VGLL4: variants seen among roughly 807,000 people sequenced by gnomAD.
The protein encoded by VGLL4 is transcription cofactor vestigial-like protein 4.
Under a neutral mutation model 21.0 loss-of-function variants are expected in VGLL4, and 7 were observed. The observed-to-expected ratio is 0.33, with a 90% confidence interval of 0.19 to 0.63. The LOEUF (loss-of-function observed/expected upper bound fraction) is 0.63. Ranked by LOEUF, VGLL4 falls within the 20% of genes least tolerant of loss-of-function variation. The pLI is 0.78. For missense variants in VGLL4, 394 were observed against 425.7 expected, an observed-to-expected ratio of 0.93 and a Z score of 0.66; for synonymous variants, 222 against 173.2, an observed-to-expected ratio of 1.28 and a Z score of -2.21.
At chr3:11,582,161 A>C in intron 2 of VGLL4, 1 of 1,148,882 alleles carries the variant, frequency 8.7e-7, no homozygotes, top group Non-Finnish European at 1.3e-6. Flanking sequence ...AGCAAAGACT[A>C]CTCTACCTCT....
rs2072394852 is a variant in VGLL4, at chr3:11,556,246, A to AGAACTTCAC, written c.*2301_*2309dup. 6.6e-6 allele frequency: 1 copy of AGAACTTCAC among 152,658 alleles called. No homozygotes were observed. The highest frequency in any genetic ancestry group is 2.1e-4 in the South Asian group (1 of 4,826). The allele number at this position is 152,658 out of a possible 1,614,324, so 9.5% of individuals were successfully genotyped here. On this transcript the variant is annotated 3_prime_UTR_variant, in exon 5 of 5. Transcript: ENST00000430365. ...CACTGCAGGCAGCGCGGCTCTGGGA[A>AGAACTTCAC]GAACTTCACGGAGCCCCTTCTTAGA...
At chr3:11,679,105 T>G (rs2076335864) in intron 2 of VGLL4, among the ~76,000 whole-genome samples, 2 of 152,208 alleles carry the variant, frequency 1.3e-5, no homozygotes, top group African/African-American at 2.4e-5. Context: ...TTATCACTCC[T>G]TTAGGGTACA....
At chr3:11,574,254 C>T (rs1480693591) in intron 2 of VGLL4, among the ~76,000 whole-genome samples, 2 of 152,198 alleles carry the variant, frequency 1.3e-5, no homozygotes, top group Admixed American at 6.5e-5. Context: ...ATATTTGCCA[C>T]ACCCATGTTT....
intron 1 of VGLL4, among the ~76,000 whole-genome samples, chr3:11,620,013 T>C (rs1440443795): frequency 2.0e-5 from 3 of 151,042 alleles, no homozygotes; most frequent in Admixed American, 1.3e-4. Context: ...TGGCAGCACC[T>C]GCAAAGAGCA....
At chr3:11,676,403 A>T (rs550678768) in intron 2 of VGLL4, among the ~76,000 whole-genome samples, 34 of 33,124 alleles carry the variant, frequency 1.0e-3, no homozygotes, top group Middle Eastern at 0.019. Flanking sequence ...TCAAAAAAAA[A>T]AAAAAAATAA....
chr3:11,574,785 ATGTGTGTGTGTGTGTG>A (rs375691226), intron 2 of VGLL4, among the ~76,000 whole-genome samples: 4,767 of 121,778 alleles, frequency 0.039, 249 homozygotes, highest in African/African-American at 0.13. Context: ...TCAACTATAT[ATGTGTGTGTGTGTGTG>A]TGTGTGTGTG....
chr3:11,562,362 T>C (rs759734417), intron 3 of VGLL4, among the ~76,000 whole-genome samples: 4 of 152,116 alleles, frequency 2.6e-5, no homozygotes, highest in Non-Finnish European at 5.9e-5. Flanking sequence ...CCTGTCCCAG[T>C]TCCCAGAGAT....
intron 1 of VGLL4, among the ~76,000 whole-genome samples, chr3:11,623,563 GTT>G (rs141983778): frequency 0.012 from 1,799 of 152,268 alleles, 35 homozygotes; most frequent in African/African-American, 0.041. Context: ...TTCTGTCAGG[GTT>G]TTCTGTAAGT....
intron 1 of VGLL4, among the ~76,000 whole-genome samples, chr3:11,626,113 G>A (rs1017259457): frequency 6.6e-5 from 10 of 152,216 alleles, no homozygotes; most frequent in Non-Finnish European, 1.5e-4. Context: ...AAAAGCTATA[G>A]CAGAAAGAGA....
At chr3:11,664,181 T>C (rs1195408488) in intron 2 of VGLL4, among the ~76,000 whole-genome samples, 7 of 152,136 alleles carry the variant, frequency 4.6e-5, no homozygotes, top group African/African-American at 1.7e-4. Context: ...GAGGTTGCAG[T>C]GAGCCCAGAT....
chr3:11,585,018 C>T (rs183459122), intron 2 of VGLL4, among the ~76,000 whole-genome samples: 2 of 152,260 alleles, frequency 1.3e-5, no homozygotes, highest in Non-Finnish European at 2.9e-5. Flanking sequence ...ATCACTGCTC[C>T]ATTAAGGAGT....
At chr3:11,680,100 A>G (rs548133362) in intron 2 of VGLL4, among the ~76,000 whole-genome samples, 1 of 152,304 alleles carries the variant, frequency 6.6e-6, no homozygotes, top group East Asian at 1.9e-4. Flanking sequence ...CAAACTGCCC[A>G]CAGTATCCTG....
At chr3:11,713,968 G>A (rs563494460) in intron 1 of VGLL4, among the ~76,000 whole-genome samples, 1 of 152,220 alleles carries the variant, frequency 6.6e-6, no homozygotes, top group South Asian at 2.1e-4. Context: ...CTGCAGGAGG[G>A]CAGGGGTACG....
intron 1 of VGLL4, chr3:11,611,935 T>C (rs2075071042): frequency 6.6e-6 from 1 of 151,618 alleles, no homozygotes; most frequent in African/African-American, 2.4e-5. Flanking sequence ...GGGTCTGAGG[T>C]GGGACCTGCT....
chr3:11,618,604 G>T (rs145819012), intron 1 of VGLL4, among the ~76,000 whole-genome samples: 1 of 152,162 alleles, frequency 6.6e-6, no homozygotes, highest in Non-Finnish European at 1.5e-5. Context: ...ATGGGAAATC[G>T]TAAGATCCTT....
At chr3:11,627,809 A>C (rs928394230) in intron 1 of VGLL4, among the ~76,000 whole-genome samples, 14 of 152,210 alleles carry the variant, frequency 9.2e-5, no homozygotes, top group African/African-American at 3.4e-4. Flanking sequence ...ACTCAACAGA[A>C]ATTCAAAAGA....
intron 1 of VGLL4, among the ~76,000 whole-genome samples, chr3:11,623,933 G>A (rs2075309213): frequency 6.6e-6 from 1 of 151,836 alleles, no homozygotes; most frequent in African/African-American, 2.4e-5. Context: ...GTAGAGATGG[G>A]GTTTTACCAT....
chr3:11,660,856 G>A (rs2125354511), intron 2 of VGLL4, among the ~76,000 whole-genome samples: 1 of 152,138 alleles, frequency 6.6e-6, no homozygotes, highest in Non-Finnish European at 1.5e-5. Context: ...AAATAACGTT[G>A]GGATCCAAAG....
intron 2 of VGLL4, among the ~76,000 whole-genome samples, chr3:11,656,495 G>A (rs2075960743): frequency 6.6e-6 from 1 of 152,182 alleles, no homozygotes; most frequent in African/African-American, 2.4e-5. Context: ...GGGGATCTTT[G>A]CAGAAGGGGC....
Sources: gnomAD v4.1 joint callset for allele counts (sites outside exome capture counted in the v4.1 genomes callset) on GRCh38, gnomAD v4.1.1 for gene constraint, MANE v1.5 for transcripts, NCBI Gene and HGNC (gene_info 2026-07-23, HGNC 2026-07-21) for gene names.